Variants in PDE3B observed in about 807,000 individuals in gnomAD.
PDE3B encodes cGMP-inhibited 3',5'-cyclic phosphodiesterase 3B.
PDE3B carries 66 observed loss-of-function variants against 116.8 expected under a neutral mutation model. The ratio of observed to expected loss-of-function variants is 0.56; its 90% confidence interval spans 0.46 to 0.69. The LOEUF is 0.69. Ranked by LOEUF, PDE3B falls within the 30% of genes least tolerant of loss-of-function variation. The pLI is 0.00. For synonymous variants in PDE3B, 595 were observed against 533.6 expected, an observed-to-expected ratio of 1.12 and a Z score of -1.59; for missense variants, 1,384 against 1,368.1, an observed-to-expected ratio of 1.01 and a Z score of -0.18.
At chr11:14,744,872 A>AAGG (rs1308119666) in intron 1 of PDE3B, among the ~76,000 whole-genome samples, 2 of 151,826 alleles carry the variant, frequency 1.3e-5, no homozygotes, top group Non-Finnish European at 2.9e-5. Flanking sequence ...TAATATTGAC[A>AAGG]ATGAATAAAA....
intron 7 of PDE3B, among the ~76,000 whole-genome samples, chr11:14,822,704 C>T (rs941562990): frequency 6.6e-6 from 1 of 152,206 alleles, no homozygotes; most frequent in Non-Finnish European, 1.5e-5. Flanking sequence ...GCTATAGATA[C>T]TTGGGTTTCT....
the PDE3B span, among the ~76,000 whole-genome samples, chr11:14,897,975 A>T: frequency 4.6e-5 from 7 of 152,164 alleles, no homozygotes; most frequent in African/African-American, 1.7e-4. Flanking sequence ...CTTCTGGAGA[A>T]TAGGATCCCT....
At chr11:14,754,765 C>G (rs897662863) in intron 1 of PDE3B, among the ~76,000 whole-genome samples, 1 of 151,992 alleles carries the variant, frequency 6.6e-6, no homozygotes, top group African/African-American at 2.4e-5. Flanking sequence ...CAAACAAAAA[C>G]AGCTATTTTT....
intron 4 of PDE3B, among the ~76,000 whole-genome samples, chr11:14,796,055 G>A (rs950963687): frequency 6.6e-6 from 1 of 152,038 alleles, no homozygotes; most frequent in Non-Finnish European, 1.5e-5. Flanking sequence ...GCCCTGGTGT[G>A]TGATGTTCCC....
At chr11:14,841,090 A>G (rs181301505) in intron 11 of PDE3B, among the ~76,000 whole-genome samples, 3 of 152,194 alleles carry the variant, frequency 2.0e-5, no homozygotes, top group African/African-American at 7.2e-5. Context: ...GACTTTAAGT[A>G]AAGCAGATAA....
chr11:14,706,987 C>G (rs908335779), intron 1 of PDE3B, among the ~76,000 whole-genome samples: 4 of 151,766 alleles, frequency 2.6e-5, no homozygotes, highest in African/African-American at 9.7e-5. Context: ...GGGGATATAA[C>G]AGTGAAGACA....
At chr11:14,661,989 G>C (rs957943000) in intron 1 of PDE3B, among the ~76,000 whole-genome samples, 1 of 152,082 alleles carries the variant, frequency 6.6e-6, no homozygotes, top group African/African-American at 2.4e-5. Flanking sequence ...ATCTGAGAAC[G>C]GGCAGACTGC....
In PDE3B at chr11:14,654,150, C is replaced by G. The variant is rs542241254; in HGVS notation, c.978+9097C>G. On this transcript the variant is annotated intron_variant, in intron 1 of 15. Transcript: ENST00000282096. ...AGGAAGAAATATTAGAAAAAAATGT[C>G]TGTAAAATAGCATTTTAAAGAACTG... Among the ~76,000 whole-genome samples, 30 of 152,182 alleles carry G rather than the reference C, an allele frequency of 2.0e-4. No individual in the cohort carries two copies. In the South Asian group the frequency reaches 6.0e-3, roughly 31 times the overall value.
chr11:14,771,266 T>G (rs1857634663), intron 1 of PDE3B, among the ~76,000 whole-genome samples: 1 of 151,712 alleles, frequency 6.6e-6, no homozygotes, highest in Non-Finnish European at 1.5e-5. Context: ...TATAGCTTCC[T>G]AAATTAAAGT....
At chr11:14,666,428 C>G (rs1380445779) in intron 1 of PDE3B, among the ~76,000 whole-genome samples, 1 of 151,038 alleles carries the variant, frequency 6.6e-6, no homozygotes, top group African/African-American at 2.4e-5. Flanking sequence ...CCAAAATTGA[C>G]AAATGGGATC....
chr11:14,722,257 A>C (rs1262989933), intron 1 of PDE3B, among the ~76,000 whole-genome samples: 1 of 152,084 alleles, frequency 6.6e-6, no homozygotes, highest in South Asian at 2.1e-4. Context: ...ACATGTATAC[A>C]TATGTAACAA....
chr11:14,662,190 G>A (rs1853948902), intron 1 of PDE3B, among the ~76,000 whole-genome samples: 1 of 152,164 alleles, frequency 6.6e-6, no homozygotes, highest in South Asian at 2.1e-4. Context: ...TGTTACCCAG[G>A]CAAACAGGGT....
At chr11:14,767,157 C>T (rs1857519017) in intron 1 of PDE3B, among the ~76,000 whole-genome samples, 1 of 151,476 alleles carries the variant, frequency 6.6e-6, no homozygotes, top group Non-Finnish European at 1.5e-5. Context: ...TATATGAAAG[C>T]ATTTTGTGCT....
chr11:14,765,212 C>T (rs1225744352), intron 1 of PDE3B, among the ~76,000 whole-genome samples: 4 of 151,808 alleles, frequency 2.6e-5, no homozygotes, highest in South Asian at 2.1e-4. Context: ...AATTCAGAGC[C>T]GTACTATAAT....
At chr11:14,771,822 C>G (rs1199539372) in intron 1 of PDE3B, 115 bp from the exon 2 acceptor site, 2 of 413,556 alleles carry the variant, frequency 4.8e-6, no homozygotes, top group African/African-American at 2.1e-5. Flanking sequence ...ATTCCAATAT[C>G]TCTTCCAGAT....
the PDE3B span, chr11:14,879,014 T>C: frequency 1.2e-5 from 11 of 930,700 alleles, no homozygotes; most frequent in Middle Eastern, 2.2e-4. Context: ...AGAATTGGGA[T>C]ATTTAATTCT....
At chr11:14,673,729 A>G (rs1018879355) in intron 1 of PDE3B, 1 of 763,916 alleles carries the variant, frequency 1.3e-6, no homozygotes, top group Non-Finnish European at 2.5e-6. Context: ...AGAGGTGTAT[A>G]GGCCAACATT....
intron 4 of PDE3B, among the ~76,000 whole-genome samples, chr11:14,797,621 T>A (rs1045039355): frequency 2.6e-5 from 4 of 152,202 alleles, no homozygotes; most frequent in Non-Finnish European, 5.9e-5. Flanking sequence ...TAGTTTGTAG[T>A]TCTCCTTGAA....
the PDE3B span, chr11:14,878,126 C>T: frequency 5.6e-6 from 9 of 1,612,826 alleles, no homozygotes; most frequent in East Asian, 4.5e-5. Flanking sequence ...GCAGTTTCAG[C>T]GTCTTTCAGC....
Sources: gnomAD v4.1 joint callset for allele counts (sites outside exome capture counted in the v4.1 genomes callset) on GRCh38, gnomAD v4.1.1 for gene constraint, MANE v1.5 for transcripts, NCBI Gene and HGNC (gene_info 2026-07-23, HGNC 2026-07-21) for gene names.